MBTD1: variants seen among roughly 807,000 people sequenced by gnomAD.
MBTD1 encodes mbt domain containing 1.
In MBTD1, 24 loss-of-function variants were observed where a neutral mutation model predicts 87.8. The ratio of observed to expected loss-of-function variants is 0.27; its 90% CI spans 0.20 to 0.38. The LOEUF is 0.38. Among genes scored for constraint, MBTD1 ranks in the 10% least tolerant of loss-of-function variants. The probability of loss-of-function intolerance (pLI) is 1.00; values close to 1 mark genes in which losing one functional copy is unlikely to be tolerated. For synonymous variants in MBTD1, 237 were observed against 248.6 expected (o/e 0.95, Z 0.44); for missense variants, 436 against 760.2 (o/e 0.57, Z 5.02).
upstream of MBTD1, chr17:51,260,510 G>T: frequency 1.4e-6 from 2 of 1,469,210 alleles, no homozygotes; most frequent in South Asian, 2.8e-5. Context: ...TTCGGCGGCG[G>T]CGGCCCGCGA....
intron 7 of MBTD1, 62 bp from the exon 8 acceptor site, chr17:51,203,987 ATCTGATAGCAGTTGTCAAACTAGTGTC>A (rs1568172872): frequency 7.6e-7 from 1 of 1,312,666 alleles, no homozygotes; most frequent in Non-Finnish European, 1.1e-6. Flanking sequence ...ACAATACAGC[ATCTGATAGCAGTTGTCAAACTAGTGTC>A]TATCTGCAAT....
intron 2 of MBTD1, among the ~76,000 whole-genome samples, chr17:51,251,957 G>C (rs938800492): frequency 1.3e-5 from 2 of 152,112 alleles, no homozygotes; most frequent in Non-Finnish European, 2.9e-5. Flanking sequence ...TAGAGACAGG[G>C]TTTCGCCATG....
chr17:51,229,297 AGT>A lies in MBTD1; in HGVS notation c.-48-4090_-48-4089del, dbSNP rs551467705. Among the ~76,000 whole-genome samples, 363 of 152,114 alleles carry A rather than the reference AGT, an allele frequency of 2.4e-3. 2 individuals carry two copies. The highest frequency in any genetic ancestry group is 4.5e-3 in the Non-Finnish European group (308 of 67,984). ...CCTTTTTCTTTTGCTACACAGATAC[AGT>A]TTTTTTTTTAATCCTCTCACACTAC... On this transcript the variant is annotated intron_variant, in intron 2 of 16. Transcript: ENST00000586178.
intron 16 of MBTD1, among the ~76,000 whole-genome samples, chr17:51,181,142 CCG>C (rs1474244510): frequency 2.0e-5 from 3 of 151,492 alleles, no homozygotes. Context: ...TGCCTCAGCA[CCG>C]CCCCCCCAAG....
At chr17:51,187,866 G>GAAAAAAAAAAAAAAAA (rs71149350) in intron 16 of MBTD1, among the ~76,000 whole-genome samples, 1 of 118,152 alleles carries the variant, frequency 8.5e-6, no homozygotes, top group African/African-American at 3.2e-5. Context: ...AAGAAAGAAA[G>GAAAAAAAAAAAAAAAA]AAAAAAAAAA....
chr17:51,228,882 A>G (rs922152516), intron 2 of MBTD1, among the ~76,000 whole-genome samples: 14 of 111,002 alleles, frequency 1.3e-4, no homozygotes, highest in African/African-American at 4.9e-4. Context: ...TGGGTGACAG[A>G]GTAAGAGTCC....
At chr17:51,233,468 A>G (rs1267554781) in intron 2 of MBTD1, among the ~76,000 whole-genome samples, 1 of 152,194 alleles carries the variant, frequency 6.6e-6, no homozygotes, top group Admixed American at 6.5e-5. Context: ...GAATTTAAAA[A>G]CAAAAATGGG....
At position 51,199,263 on chromosome 17, in the gene MBTD1, A is replaced by AT. The variant is rs1271592403; in HGVS notation, c.1224+2328dup. Reference sequence around the variant, plus strand: ...AGGTGCCTGGCCCCAGGCCCAGCTAATTTTTTTGTATTTTTAGTTTCATCA... The same window carrying AT: ...AGGTGCCTGGCCCCAGGCCCAGCTAATTTTTTTTGTATTTTTAGTTTCATCA... On this transcript the variant is annotated intron_variant, in intron 12 of 16. Transcript: ENST00000586178. Among the ~76,000 whole-genome samples, 7 of 147,746 alleles carry AT rather than the reference A, an allele frequency of 4.7e-5. No homozygotes were observed. The East Asian group carries it at 8.2e-4, about 17-fold the overall frequency.
intron 6 of MBTD1, among the ~76,000 whole-genome samples, chr17:51,211,087 A>C (rs183380250): frequency 6.6e-6 from 1 of 151,596 alleles, no homozygotes; most frequent in Non-Finnish European, 1.5e-5. Context: ...CAGTGAGCCA[A>C]GATGGTGCCA....
chr17:51,179,510 A>ATATTTATATT lies in MBTD1; in HGVS notation c.*1065_*1066insAATATAAATA, dbSNP rs1490946013. The ATATTTATATT allele has an allele frequency of 3.1e-5, 3 of 95,736 alleles. No homozygotes were observed. Among genetic ancestry groups the ATATTTATATT allele is most frequent in the African/African-American group, 1.2e-4 (3 of 24,742 alleles). 5.9% of individuals were successfully genotyped at this position (95,736 alleles called of 1,614,324 possible). On this transcript the variant is annotated 3_prime_UTR_variant, in exon 17 of 17. Coordinates refer to ENST00000586178, the MANE Select transcript of MBTD1 (RefSeq NM_017643.3). ...TATATATATATATATATATATATATATATATATATATATATATATATATAT... is the reference window on the plus strand; with the variant it reads ...TATATATATATATATATATATATATATATTTATATTTATATATATATATATATATATATAT...
Position 51,220,381 on chromosome 17 carries a change from T to G in MBTD1, c.237A>C (p.Ser79=), listed in dbSNP as rs541589222. Residue 79 remains serine (S), a synonymous_variant, in exon 4 of 17, where the codon TCA becomes TCC. Coordinates refer to ENST00000586178, the MANE Select transcript of MBTD1 (RefSeq NM_017643.3). ...TCTTGGAGTTTGACGAGTAACTTCT[T>G]GAACATGAAACGCTACAGAAACGCT... ...KTKRFCSVSC[S]RSYSSNSKKA... 6.4e-6 allele frequency: 10 copies of G among 1,551,052 alleles called. No homozygotes were observed. In the Admixed American group the frequency reaches 1.4e-4, roughly 21 times the overall value.
chr17:51,243,112 T>C (rs1355583472), intron 2 of MBTD1, among the ~76,000 whole-genome samples: 1 of 152,216 alleles, frequency 6.6e-6, no homozygotes, highest in African/African-American at 2.4e-5. Flanking sequence ...GTGTAGGATA[T>C]ATGTATTTGT....
At chr17:51,244,193 T>A (rs1031380326) in intron 2 of MBTD1, among the ~76,000 whole-genome samples, 1 of 152,176 alleles carries the variant, frequency 6.6e-6, no homozygotes, top group Non-Finnish European at 1.5e-5. Context: ...AACCAAACAT[T>A]AATATGATGG....
At chr17:51,198,614 C>T (rs1188919043) in intron 12 of MBTD1, among the ~76,000 whole-genome samples, 1 of 152,164 alleles carries the variant, frequency 6.6e-6, no homozygotes, top group African/African-American at 2.4e-5. Context: ...CTCAGCTATT[C>T]AGACTCTTTC....
At chr17:51,260,321 T>G (rs577856261), upstream of MBTD1, among the ~76,000 whole-genome samples, 4 of 152,192 alleles carry the variant, frequency 2.6e-5, no homozygotes, top group South Asian at 8.3e-4. Context: ...AGCTGCGAAA[T>G]TGTGTTGGAA....
intron 2 of MBTD1, among the ~76,000 whole-genome samples, chr17:51,257,085 TA>T (rs1487382476): frequency 6.6e-6 from 1 of 152,228 alleles, no homozygotes; most frequent in Non-Finnish European, 1.5e-5. Context: ...AAATAATGAT[TA>T]AATCTATGTG....
intron 2 of MBTD1, among the ~76,000 whole-genome samples, chr17:51,252,088 A>T (rs1317941403): frequency 6.6e-6 from 1 of 152,120 alleles, no homozygotes; most frequent in Non-Finnish European, 1.5e-5. Flanking sequence ...TTTGTTACTG[A>T]TCTGATTTGG....
chr17:51,251,619 A>G (rs1354649056), intron 2 of MBTD1: 1 of 152,032 alleles, frequency 6.6e-6, no homozygotes, highest in Non-Finnish European at 1.5e-5. Flanking sequence ...CACTCTTAAC[A>G]CCTAGAGGAA....
At chr17:51,186,567 G>A (rs2050546189) in intron 16 of MBTD1, among the ~76,000 whole-genome samples, 1 of 152,112 alleles carries the variant, frequency 6.6e-6, no homozygotes, top group South Asian at 2.1e-4. Context: ...ACGAGGTCAG[G>A]AGATTGAGAC....
Sources: gnomAD v4.1 joint callset for allele counts (sites outside exome capture counted in the v4.1 genomes callset) on GRCh38, gnomAD v4.1.1 for gene constraint, MANE v1.5 for transcripts, NCBI Gene and HGNC (gene_info 2026-07-23, HGNC 2026-07-21) for gene names.